The following PRSS12 variants were observed in gnomAD, a reference collection of about 807,000 sequenced individuals.
The protein encoded by PRSS12 is serine protease 12.
A neutral mutation model predicts 104.4 loss-of-function variants in PRSS12; 85 were observed. The observed-to-expected ratio is 0.81, with a 90% CI of 0.68 to 0.98. The LOEUF is 0.98. Ranked by LOEUF, PRSS12 falls within the 50% of genes least tolerant of loss-of-function variation. The pLI is 0.00. For missense variants in PRSS12, 1,141 were observed against 1,139.2 expected, an observed-to-expected ratio of 1.00 and a Z score of -0.02; for synonymous variants, 454 against 425.2, an observed-to-expected ratio of 1.07 and a Z score of -0.83.
At chr4:118,299,604 G>A (rs972723682) in intron 8 of PRSS12, among the ~76,000 whole-genome samples, 7 of 150,804 alleles carry the variant, frequency 4.6e-5, no homozygotes, top group Non-Finnish European at 8.9e-5. Context: ...CACTTGAACC[G>A]AAGAGGCGGA....
chr4:118,352,965 C>G lies in PRSS12; in HGVS notation c.-245G>C, dbSNP rs1316518951. ...ATCTGGAGCTCAGCCGAGCCCCGGCCGGCGGAGAGGACCGGAAAAGAGAAG... is the reference window on the plus strand; with the variant it reads ...ATCTGGAGCTCAGCCGAGCCCCGGCGGGCGGAGAGGACCGGAAAAGAGAAG... On this transcript the variant is annotated 5_prime_UTR_variant, in exon 1 of 13. Transcript: ENST00000296498. 1.9e-6 allele frequency: 2 copies of G among 1,042,352 alleles called. No individual in the cohort carries two copies. The highest frequency in any genetic ancestry group is 2.6e-6 in the Non-Finnish European group (2 of 781,170). The allele number at this position is 1,042,352 out of a possible 1,614,324, so 64.6% of individuals were successfully genotyped here. A position where few individuals can be genotyped will look rare whatever the true frequency, so the allele number is the denominator to read the frequency against.
At chr4:118,338,825 T>A (rs1192408767) in intron 1 of PRSS12, among the ~76,000 whole-genome samples, 1 of 152,216 alleles carries the variant, frequency 6.6e-6, no homozygotes, top group African/African-American at 2.4e-5. Context: ...TTTGATTTGT[T>A]CATCCACTAA....
chr4:118,344,375 T>C (rs1724298337), intron 1 of PRSS12, among the ~76,000 whole-genome samples: 1 of 152,146 alleles, frequency 6.6e-6, no homozygotes, highest in Non-Finnish European at 1.5e-5. Context: ...TAGGGGATGC[T>C]AGGTTAATTT....
At chr4:118,310,906 C>G (rs1398448020) in intron 7 of PRSS12, among the ~76,000 whole-genome samples, 2 of 152,052 alleles carry the variant, frequency 1.3e-5, no homozygotes, top group Non-Finnish European at 2.9e-5. Flanking sequence ...CAAATATTAG[C>G]TGGGTGTGGT....
At chr4:118,295,111 A>G in intron 10 of PRSS12, 50 bp from the exon 11 acceptor site, 1 of 1,603,654 alleles carries the variant, frequency 6.2e-7, no homozygotes, top group Non-Finnish European at 8.5e-7. Context: ...GCAAAAAAGC[A>G]AAGGAAAGCA....
intron 9 of PRSS12, 95 bp downstream of exon 9, chr4:118,298,638 G>C (rs2126028997): frequency 8.1e-7 from 1 of 1,239,480 alleles, no homozygotes. Flanking sequence ...ATACGTTCTT[G>C]TTGTACTAGA....
At chr4:118,329,588 T>C (rs544352327) in intron 4 of PRSS12, among the ~76,000 whole-genome samples, 3 of 152,314 alleles carry the variant, frequency 2.0e-5, no homozygotes, top group Non-Finnish European at 2.9e-5. Flanking sequence ...GATGGAGGAA[T>C]AGTGTTTGGT....
chr4:118,343,225 C>CA (rs925840370), intron 1 of PRSS12, among the ~76,000 whole-genome samples: 139 of 133,452 alleles, frequency 1.0e-3, no homozygotes, highest in Non-Finnish European at 1.0e-3. Flanking sequence ...ACTGTCTTTA[C>CA]AAAAAAAAAA....
At chr4:118,344,765 A>C (rs563287856) in intron 1 of PRSS12, among the ~76,000 whole-genome samples, 1 of 152,350 alleles carries the variant, frequency 6.6e-6, no homozygotes, top group Admixed American at 6.5e-5. Flanking sequence ...AAATCTTATA[A>C]ATTATTCCTT....
rs1196290936 is a variant in PRSS12 at position 118,331,764 on chromosome 4, T to G, written c.923A>C (p.Gln308Pro). 3.1e-6 allele frequency: 5 copies of G among 1,614,048 alleles called. No individual in the cohort carries two copies. Among genetic ancestry groups the G allele is most frequent in the Non-Finnish European group, 3.4e-6 (4 of 1,180,046 alleles). Residue 308 changes from glutamine (Q) to proline (P), a missense_variant, in exon 4 of 13, where the codon CAA becomes CCA. Transcript: ENST00000296498. ...CACTTCTGCATCGGCATCATCCCAT[T>G]GGTCATCACAAACGGTTCCCCACTG... Reference protein sequence around the residue: ...AGQWGTVCDDQWDDADAEVIC... With the variant: ...AGQWGTVCDDPWDDADAEVIC...
chr4:118,294,891 C>A (rs1202031885), intron 11 of PRSS12, 48 bp downstream of exon 11: 1 of 1,611,658 alleles, frequency 6.2e-7, no homozygotes, highest in South Asian at 1.1e-5. Context: ...ATTGGAAGAA[C>A]TGATGAATAG....
At chr4:118,326,358 A>G (rs189726953) in intron 4 of PRSS12, among the ~76,000 whole-genome samples, 48 of 152,338 alleles carry the variant, frequency 3.2e-4, no homozygotes, top group Non-Finnish European at 1.0e-4. Flanking sequence ...GTGCTTTTAG[A>G]CATACTAACT....
At chr4:118,349,041 G>T (rs1308189980) in intron 1 of PRSS12, among the ~76,000 whole-genome samples, 1 of 151,878 alleles carries the variant, frequency 6.6e-6, no homozygotes. Flanking sequence ...TGAGCCACTG[G>T]AACATCCACG....
At chr4:118,285,214 A>C (rs1309326859) in intron 11 of PRSS12, among the ~76,000 whole-genome samples, 3 of 152,218 alleles carry the variant, frequency 2.0e-5, no homozygotes, top group Non-Finnish European at 4.4e-5. Context: ...TTTAAAGTTC[A>C]GAGGCTTTTT....
At position 118,329,472 on chromosome 4, in the gene PRSS12, G is replaced by A. The variant is rs1021567249; in HGVS notation, c.971+2244C>T. 1.2e-4 allele frequency among the ~76,000 whole-genome samples: 19 copies of A among 152,080 alleles called. No individual in the cohort carries two copies. In the East Asian group the frequency reaches 1.9e-3, roughly 15 times the overall value. ...AACTCACATGAAAATCAATTAGCAC[G>A]TCACTGAACACATAACTGATAACCC... On this transcript the variant is annotated intron_variant, in intron 4 of 12. Transcript: ENST00000296498.
At position 118,338,166 on chromosome 4, in the gene PRSS12, G is replaced by A; in HGVS notation, c.641+10C>T. 3 of 1,613,900 alleles carry A rather than the reference G, an allele frequency of 1.9e-6. No homozygotes were observed. Among genetic ancestry groups the A allele is most frequent in the Non-Finnish European group, 2.5e-6 (3 of 1,179,886 alleles). ...AGCTGACTGATTTGGTCAGGGATGG[G>A]TACACTCACCCCAGCTGCAGCTGGT... On this transcript the variant is annotated intron_variant, in intron 2 of 12. Coordinates refer to ENST00000296498, the MANE Select transcript of PRSS12 (RefSeq NM_003619.4).
Position 118,280,816 on chromosome 4 carries a change from G to A in PRSS12, c.*1120C>T, listed in dbSNP as rs1472349598. ...GGGGAAAAAAATCAGCATTTTTTCT[G>A]GAGTTTGGAATCAGTTTCACCAACT... On this transcript the variant is annotated 3_prime_UTR_variant, in exon 13 of 13. Transcript: ENST00000296498. 6.6e-6 allele frequency: 1 copy of A among 152,166 alleles called. No individual in the cohort carries two copies. Among genetic ancestry groups the A allele is most frequent in the African/African-American group, 2.4e-5 (1 of 41,438 alleles). 9.4% of individuals were successfully genotyped at this position (152,166 alleles called of 1,614,324 possible).
chr4:118,351,926 C>A, intron 1 of PRSS12, among the ~76,000 whole-genome samples: 1 of 147,546 alleles, frequency 6.8e-6, no homozygotes, highest in Non-Finnish European at 1.5e-5. Context: ...CACGAGCGCA[C>A]ACACACACAC....
intron 11 of PRSS12, among the ~76,000 whole-genome samples, chr4:118,284,777 C>T (rs1742977118): frequency 6.6e-6 from 1 of 152,168 alleles, no homozygotes; most frequent in African/African-American, 2.4e-5. Flanking sequence ...GCCAAAACTC[C>T]AGCCCTGGTT....
Sources: allele counts gnomAD v4.1 joint callset (sites outside exome capture counted in the v4.1 genomes callset), GRCh38; gene constraint gnomAD v4.1.1; transcripts MANE v1.5; gene names NCBI Gene and HGNC (gene_info 2026-07-23, HGNC 2026-07-21).